Variants in SCOC observed in about 807,000 individuals in gnomAD.
The protein encoded by SCOC is short coiled coil protein.
A neutral mutation model predicts 9.9 loss-of-function variants in SCOC; 7 were observed. The observed-to-expected ratio is 0.71, with a 90% CI of 0.40 to 1.33. The LOEUF (loss-of-function observed/expected upper bound fraction) is 1.33, where lower values mean the gene tolerates loss of function less well. SCOC is among the 40% of genes most tolerant of loss of function. SCOC has a pLI of 0.01. For synonymous variants in SCOC, 19 were observed against 28.2 expected, an observed-to-expected ratio of 0.67 and a Z score of 1.03; for missense variants, 66 against 89.7, an observed-to-expected ratio of 0.74 and a Z score of 1.07.
chr4:140,333,722 G>T (rs1732882463), intron 1 of SCOC, among the ~76,000 whole-genome samples: 1 of 152,122 alleles, frequency 6.6e-6, no homozygotes, highest in Non-Finnish European at 1.5e-5. Context: ...GAAGAACAGT[G>T]GATGCCACAT....
chr4:140,269,902 C>T (rs1236996587), intron 1 of SCOC, among the ~76,000 whole-genome samples: 7 of 152,116 alleles, frequency 4.6e-5, no homozygotes, highest in Non-Finnish European at 7.4e-5. Flanking sequence ...AGGTGCATAA[C>T]CACAACACCT....
chr4:140,354,170 G>C (rs1727106467), intron 2 of SCOC, among the ~76,000 whole-genome samples: 1 of 152,248 alleles, frequency 6.6e-6, no homozygotes, highest in East Asian at 1.9e-4. Flanking sequence ...TAGGAGGTTA[G>C]CTTCCTTTAT....
At chr4:140,345,773 CAG>C (rs1578834485) in intron 2 of SCOC, among the ~76,000 whole-genome samples, 1 of 151,990 alleles carries the variant, frequency 6.6e-6, no homozygotes, top group East Asian at 1.9e-4. Flanking sequence ...AAGGGAGGCC[CAG>C]AGAGTCTAAA....
At chr4:140,322,419 A>AGAAG (rs1384212981) in intron 1 of SCOC, among the ~76,000 whole-genome samples, 1 of 152,212 alleles carries the variant, frequency 6.6e-6, no homozygotes, top group Non-Finnish European at 1.5e-5. Flanking sequence ...GAATGCTGGT[A>AGAAG]GAAGTATGGA....
chr4:140,367,614 A>G (rs1810190), intron 2 of SCOC, among the ~76,000 whole-genome samples: 144,869 of 152,118 alleles, frequency 0.95, 69,027 homozygotes, highest in East Asian at 0.99. Flanking sequence ...TCCTGACCTC[A>G]TGATCCACCT....
intron 1 of SCOC, among the ~76,000 whole-genome samples, chr4:140,332,394 C>T (rs763861351): frequency 8.6e-5 from 8 of 93,026 alleles, no homozygotes; most frequent in Admixed American, 1.7e-4. Context: ...TTTTTTGAGA[C>T]GGAGTATTGC....
At chr4:140,300,404 G>C (rs1462462705) in intron 1 of SCOC, among the ~76,000 whole-genome samples, 3 of 152,288 alleles carry the variant, frequency 2.0e-5, no homozygotes. Context: ...TAGGAAAGCT[G>C]AGGCAATAGC....
upstream of SCOC, among the ~76,000 whole-genome samples, chr4:140,340,782 A>ATTTTTTTTTTTTT (rs1726483025): frequency 2.0e-5 from 1 of 49,672 alleles, no homozygotes; most frequent in African/African-American, 9.5e-5. Flanking sequence ...ATGCTGCCTA[A>ATTTTTTTTTTTTT]CTTTTTTTTT....
chr4:140,379,297 T>A, intron 2 of SCOC, 105 bp downstream of exon 2: 3 of 832,258 alleles, frequency 3.6e-6, no homozygotes, highest in Non-Finnish European at 6.1e-6. Context: ...GACTTTGATC[T>A]TGGCTAATTA....
At chr4:140,365,601 T>C (rs565229055) in intron 2 of SCOC, among the ~76,000 whole-genome samples, 202 of 152,312 alleles carry the variant, frequency 1.3e-3, no homozygotes, top group Non-Finnish European at 2.2e-3. Flanking sequence ...CTCTCCTTCC[T>C]CCCTTTTTCT....
chr4:140,330,559 C>T (rs890636062), intron 1 of SCOC, among the ~76,000 whole-genome samples: 2 of 152,182 alleles, frequency 1.3e-5, no homozygotes, highest in African/African-American at 2.4e-5. Context: ...CCTTAGTGAG[C>T]TACAAATCAA....
chr4:140,318,418 G>A (rs1276239532), intron 1 of SCOC, among the ~76,000 whole-genome samples: 2 of 105,268 alleles, frequency 1.9e-5, no homozygotes, highest in Non-Finnish European at 3.6e-5. Context: ...AAGTGGGCGA[G>A]GGACATGAAC....
chr4:140,337,906 C>A (rs1342333901), intron 1 of SCOC, among the ~76,000 whole-genome samples: 2 of 152,116 alleles, frequency 1.3e-5, no homozygotes, highest in Non-Finnish European at 2.9e-5. Flanking sequence ...TGAAACTATT[C>A]CAATCAACAG....
chr4:140,334,885 TG>T (rs1406376353), intron 1 of SCOC, among the ~76,000 whole-genome samples: 2 of 152,110 alleles, frequency 1.3e-5, no homozygotes, highest in African/African-American at 4.8e-5. Context: ...CTGGATTGCT[TG>T]AGCCCAGGAG....
At chr4:140,377,364 T>G (rs1486777294) in intron 1 of SCOC, among the ~76,000 whole-genome samples, 1 of 152,228 alleles carries the variant, frequency 6.6e-6, no homozygotes, top group Admixed American at 6.5e-5. Context: ...TGGAAAAATT[T>G]TAGTAATCTG....
At chr4:140,344,721 C>T (rs1361132413) in intron 2 of SCOC, among the ~76,000 whole-genome samples, 2 of 152,092 alleles carry the variant, frequency 1.3e-5, no homozygotes, top group Admixed American at 6.6e-5. Context: ...TAACATGCTC[C>T]CACCAGGGTG....
At chr4:140,286,618 G>A (rs766012720) in intron 1 of SCOC, among the ~76,000 whole-genome samples, 1 of 152,210 alleles carries the variant, frequency 6.6e-6, no homozygotes, top group Non-Finnish European at 1.5e-5. Flanking sequence ...CAGACTGGGC[G>A]GCATGTGCAG....
chr4:140,325,586 G>C (rs1175888168), intron 1 of SCOC, among the ~76,000 whole-genome samples: 1 of 152,078 alleles, frequency 6.6e-6, no homozygotes, highest in African/African-American at 2.4e-5. Context: ...TAAAAGAGGT[G>C]TTCAGCATCA....
intron 1 of SCOC, among the ~76,000 whole-genome samples, chr4:140,292,780 C>T (rs1731513453): frequency 1.3e-5 from 2 of 152,188 alleles, no homozygotes; most frequent in South Asian, 2.1e-4. Context: ...GAATCTAAAG[C>T]AACAAAGCCC....
Sources: allele counts gnomAD v4.1 joint callset (sites outside exome capture counted in the v4.1 genomes callset), GRCh38; gene constraint gnomAD v4.1.1; transcripts MANE v1.5; gene names NCBI Gene and HGNC (gene_info 2026-07-23, HGNC 2026-07-21).